The following TENM1 variants were observed in gnomAD, a reference collection of about 807,000 sequenced individuals.
TENM1 encodes the protein teneurin-1.
A neutral mutation model predicts 174.8 loss-of-function variants in TENM1; 35 were observed. The observed-to-expected ratio is 0.20, with a 90% CI of 0.15 to 0.27. TENM1 has a LOEUF of 0.27. Among genes scored for constraint, TENM1 ranks in the 10% least tolerant of loss-of-function variants. TENM1 has a pLI of 1.00. For synonymous variants in TENM1, 781 were observed against 798.7 expected (o/e 0.98, Z 0.37); for missense variants, 1,633 against 2,130.1 (o/e 0.77, Z 4.59).
intron 11 of TENM1, among the ~76,000 whole-genome samples, chrX:124,628,050 T>C (rs934435450): frequency 9.0e-6 from 1 of 111,625 alleles, no homozygotes; most frequent in Non-Finnish European, 1.9e-5. Context: ...ATTTATTCCT[T>C]TATATTTCCT....
chrX:124,990,688 G>A, the TENM1 span, among the ~76,000 whole-genome samples: 5 of 112,084 alleles, frequency 4.5e-5, no homozygotes, highest in African/African-American at 1.6e-4. Flanking sequence ...ATGCAAATAC[G>A]TTATATAGGA....
At chrX:125,131,342 C>T in the TENM1 span, among the ~76,000 whole-genome samples, 6 of 111,677 alleles carry the variant, frequency 5.4e-5, no homozygotes, top group South Asian at 2.3e-3. Context: ...GGAGCTCCTG[C>T]CACCTAGTGA....
At chrX:124,886,522 C>CATATATATAT (rs3056632) in intron 3 of TENM1, among the ~76,000 whole-genome samples, 37 of 74,922 alleles carry the variant, frequency 4.9e-4, no homozygotes, top group Non-Finnish European at 1.7e-4. Flanking sequence ...AAAACATATA[C>CATATATATAT]ATATATATAT....
intron 3 of TENM1, among the ~76,000 whole-genome samples, chrX:124,748,425 T>C (rs760726470): frequency 9.0e-6 from 1 of 110,776 alleles, no homozygotes; most frequent in East Asian, 2.8e-4. Flanking sequence ...GGTCAAGTGC[T>C]GTCTACTACT....
chrX:125,081,554 C>A, the TENM1 span, among the ~76,000 whole-genome samples: 1 of 111,097 alleles, frequency 9.0e-6, no homozygotes, highest in Non-Finnish European at 1.9e-5. Flanking sequence ...TCCTATCTCA[C>A]ACAGACTCAA....
At position 124,454,023 on chromosome X, in the gene TENM1, C is replaced by T. The variant is rs978660764; in HGVS notation, c.3950-532G>A. 3.6e-5 allele frequency among the ~76,000 whole-genome samples: 4 copies of T among 110,590 alleles called. No homozygotes were observed. In the Admixed American group the frequency reaches 3.9e-4, roughly 11 times the overall value. On this transcript the variant is annotated intron_variant, in intron 22 of 31. Transcript: ENST00000422452. ...TATTATCTATTAAAAGGGGAGTTGG[C>T]GAGCAAAATTATAGTATCACAAAGG... is the stretch of plus-strand genomic sequence containing the variant.
At chrX:124,950,725 T>A (rs1456653741) in intron 1 of TENM1, among the ~76,000 whole-genome samples, 1 of 111,752 alleles carries the variant, frequency 8.9e-6, no homozygotes, top group African/African-American at 3.3e-5. Flanking sequence ...CTTAGTGTGG[T>A]CCTGCCTGAA....
the TENM1 span, among the ~76,000 whole-genome samples, chrX:125,182,510 A>G: frequency 9.5e-6 from 1 of 105,307 alleles, no homozygotes; most frequent in African/African-American, 3.4e-5. Flanking sequence ...TTGAGTGGAG[A>G]GCTATTTTAG....
the TENM1 span, among the ~76,000 whole-genome samples, chrX:125,017,665 A>G: frequency 0.02 from 2,294 of 111,961 alleles, 74 homozygotes; most frequent in African/African-American, 0.071. Context: ...AATGTGGCAC[A>G]TCTACACCAT....
intron 3 of TENM1, among the ~76,000 whole-genome samples, chrX:124,807,878 T>TACACAC (rs151254866): frequency 1.6e-4 from 14 of 85,174 alleles, no homozygotes; most frequent in African/African-American, 4.3e-4. Flanking sequence ...GAAAATCACT[T>TACACAC]ACACACACAC....
chrX:125,101,964 T>C, the TENM1 span, among the ~76,000 whole-genome samples: 1 of 111,764 alleles, frequency 8.9e-6, no homozygotes, highest in Non-Finnish European at 1.9e-5. Context: ...ACTTACAATG[T>C]TGTAGGTAAG....
intron 21 of TENM1, among the ~76,000 whole-genome samples, chrX:124,484,416 T>G (rs1260073030): frequency 2.7e-5 from 3 of 111,963 alleles, no homozygotes; most frequent in African/African-American, 3.2e-5. Flanking sequence ...TAGAGAGTTA[T>G]GCTCCACCTC....
intron 21 of TENM1, among the ~76,000 whole-genome samples, chrX:124,482,331 A>C (rs776753990): frequency 2.7e-5 from 3 of 109,518 alleles, no homozygotes; most frequent in Non-Finnish European, 5.7e-5. Flanking sequence ...CAACATATCC[A>C]AAACAGAAGT....
chrX:125,173,735 G>A, the TENM1 span, among the ~76,000 whole-genome samples: 1 of 111,421 alleles, frequency 9.0e-6, no homozygotes. Flanking sequence ...CCAAAGAGAT[G>A]GATGCACACA....
intron 5 of TENM1, among the ~76,000 whole-genome samples, chrX:124,701,457 C>G (rs1397021686): frequency 2.7e-5 from 3 of 111,597 alleles, no homozygotes; most frequent in Non-Finnish European, 5.6e-5. Flanking sequence ...GTACCTTAAC[C>G]TCGCCTTCTC....
At chrX:124,755,081 A>C (rs1484409067) in intron 3 of TENM1, among the ~76,000 whole-genome samples, 1 of 101,023 alleles carries the variant, frequency 9.9e-6, no homozygotes, top group African/African-American at 4.2e-5. Flanking sequence ...TAATGTTGAC[A>C]GTGGGGTGTT....
intron 11 of TENM1, among the ~76,000 whole-genome samples, chrX:124,575,992 C>T (rs1320504255): frequency 2.7e-5 from 3 of 112,034 alleles, no homozygotes; most frequent in East Asian, 2.8e-4. Context: ...GAAATCTAGA[C>T]ATTTGCTTAT....
At position 124,517,246 on chromosome X, in the gene TENM1, G is replaced by A. The variant is rs1019332997; in HGVS notation, c.3301+3271C>T. ...CAAAACAATCTGTACAACAAACCCT[G>A]TGACACGAATTTACCTATATAACAA... On this transcript the variant is annotated intron_variant, in intron 18 of 31. Coordinates refer to ENST00000422452, the Ensembl canonical transcript of TENM1. Among the ~76,000 whole-genome samples, 9 of 110,702 alleles carry A rather than the reference G, an allele frequency of 8.1e-5. No homozygotes were observed. In the South Asian group the frequency reaches 1.2e-3, roughly 15 times the overall value.
At chrX:124,971,548 C>T in the TENM1 span, among the ~76,000 whole-genome samples, 152 of 111,900 alleles carry the variant, frequency 1.4e-3, no homozygotes, top group African/African-American at 4.4e-3. Context: ...TCCTCCCTCA[C>T]CATTTACAAG....
Sources: gnomAD v4.1 joint callset for allele counts (sites outside exome capture counted in the v4.1 genomes callset) on GRCh38, gnomAD v4.1.1 for gene constraint, MANE v1.5 for transcripts, NCBI Gene and HGNC (gene_info 2026-07-23, HGNC 2026-07-21) for gene names.